The following LGMN variants were observed in gnomAD, a reference collection of about 807,000 sequenced individuals.
The protein encoded by LGMN is legumain, also known as asparaginyl endopeptidase.
LGMN carries 36 observed loss-of-function variants against 56.8 expected under a neutral mutation model. That is an observed-to-expected ratio of 0.63 (90% CI 0.49 to 0.84). The LOEUF (loss-of-function observed/expected upper bound fraction) is 0.84. Among genes scored for constraint, LGMN ranks in the 40% least tolerant of loss-of-function variants. LGMN has a pLI of 0.00. For missense variants in LGMN, 446 were observed against 556.1 expected, an observed-to-expected ratio of 0.80 and a Z score of 1.99; for synonymous variants, 199 against 210.1, an observed-to-expected ratio of 0.95 and a Z score of 0.46.
intron 2 of LGMN, among the ~76,000 whole-genome samples, chr14:92,731,918 CTGGACTTTTCA>C (rs1163807378): frequency 2.0e-5 from 3 of 152,226 alleles, no homozygotes; most frequent in African/African-American, 7.2e-5. Flanking sequence ...CACAGGGAGG[CTGGACTTTTCA>C]TGGACACTCC....
At position 92,704,004 on chromosome 14, in the gene LGMN, G is replaced by C; in HGVS notation, c.*315C>G. The C allele has an allele frequency of 1.5e-6, 1 of 661,728 alleles. No homozygotes were observed. Among genetic ancestry groups the C allele is most frequent in the Non-Finnish European group, 2.7e-6 (1 of 370,694 alleles). The allele number at this position is 661,728 out of a possible 1,614,324, so 41.0% of individuals were successfully genotyped here. ...TCAGAATAAAGACTCCTTTTGAGAG[G>C]GGCTACAGAAGCCCCCATGAGCTTC... On this transcript the variant is annotated 3_prime_UTR_variant, in exon 14 of 14. Transcript: ENST00000334869.
chr14:92,722,508 C>T (rs1490163099), intron 2 of LGMN, among the ~76,000 whole-genome samples: 1 of 151,898 alleles, frequency 6.6e-6, no homozygotes, highest in African/African-American at 2.4e-5. Flanking sequence ...CACTTGAACC[C>T]GGGAGGCAGA....
At chr14:92,742,744 T>G (rs1891616755) in intron 1 of LGMN, among the ~76,000 whole-genome samples, 1 of 152,020 alleles carries the variant, frequency 6.6e-6, no homozygotes, top group African/African-American at 2.4e-5. Flanking sequence ...AGAAAAAAAT[T>G]TAAGAAGCAT....
chr14:92,706,485 T>C lies in LGMN; in HGVS notation c.1189A>G (p.Thr397Ala). 6.5e-7 allele frequency: 1 copy of C among 1,544,328 alleles called. No individual in the cohort carries two copies. Residue 397 changes from threonine (T) to alanine (A), a missense_variant and splice_region_variant, in exon 12 of 14, where the codon ACG becomes GCG. Thr to Ala is a moderately conservative substitution (Grantham distance 58). Coordinates refer to ENST00000334869, the MANE Select transcript of LGMN (RefSeq NM_005606.7). ...RTHCFNWHSP[T>A]YEYALRHLYV... ...ATGGGGAGAGCCTGCTGGCTCACCG[T>C]GGGGGAGTGCCAGTTGAAGCAGTGG...
intron 2 of LGMN, among the ~76,000 whole-genome samples, chr14:92,728,422 G>A (rs753007402): frequency 6.6e-6 from 1 of 152,160 alleles, no homozygotes; most frequent in Non-Finnish European, 1.5e-5. Flanking sequence ...CACCTGTACT[G>A]CACGTTACTG....
Position 92,732,659 on chromosome 14 carries a change from T to A in LGMN, c.128A>T (p.Tyr43Phe), listed in dbSNP as rs1024759192. The change falls in exon 2 of 14, where the codon TAT (tyrosine) becomes TTT (phenylalanine). Residue 43 changes from tyrosine (Y) to phenylalanine (F), a missense_variant. By Grantham distance (22) the Tyr-to-Phe change is conservative. Transcript: ENST00000334869. The stretch of plus-strand genomic sequence containing the variant: ...TAGTCATTTTCTTACCTGGTGCCTA[T>A]AATTATACCAGCCATTTGAACCTGC... ...IVAGSNGWYN[Y>F]RHQADACHAY... 6.2e-7 allele frequency: 1 copy of A among 1,613,920 alleles called. No individual in the cohort carries two copies. Among genetic ancestry groups the A allele is most frequent in the African/African-American group, 1.3e-5 (1 of 74,926 alleles).
At chr14:92,715,277 G>T (rs888976434) in intron 5 of LGMN, among the ~76,000 whole-genome samples, 22 of 151,466 alleles carry the variant, frequency 1.5e-4, no homozygotes, top group Non-Finnish European at 2.4e-4. Context: ...GGAGTACAGT[G>T]GCACAATCTT....
chr14:92,705,291 C>T (rs1595522264), intron 12 of LGMN, among the ~76,000 whole-genome samples: 1 of 152,098 alleles, frequency 6.6e-6, no homozygotes, highest in Admixed American at 6.6e-5. Context: ...CACCTGAGGC[C>T]AGAAGTTCAG....
At chr14:92,706,326 T>C (rs1415849618) in intron 12 of LGMN, 157 bp downstream of exon 12, 7 of 555,242 alleles carry the variant, frequency 1.3e-5, no homozygotes, top group Non-Finnish European at 2.1e-5. Flanking sequence ...GATTTAAAAT[T>C]AGTGAATTTG....
chr14:92,717,461 G>A lies in LGMN; in HGVS notation c.237C>T (p.Asp79=), dbSNP rs1051333273. 18 of 1,610,442 alleles carry A rather than the reference G, an allele frequency of 1.1e-5. No individual in the cohort carries two copies. The highest frequency in any genetic ancestry group is 1.7e-5 in the Admixed American group (1 of 60,014). ...TGATCACAATTCCTGGAGTGGGATTGCTGAAAATTAAAGGACACAATTTAA... is the reference window on the plus strand; with the variant it reads ...TGATCACAATTCCTGGAGTGGGATTACTGAAAATTAAAGGACACAATTTAA... The part of the protein sequence containing the change: ...MMYDDIAYSE[D]NPTPGIVINR... Residue 79 remains aspartate, a splice_region_variant and synonymous_variant, in exon 4 of 14, where the codon GAC becomes GAT. Transcript: ENST00000334869.
At chr14:92,708,856 CAAAAAAA>C (rs58813848) in intron 11 of LGMN, among the ~76,000 whole-genome samples, 19 of 71,640 alleles carry the variant, frequency 2.7e-4, no homozygotes, top group East Asian at 3.2e-4. Context: ...ACTCTTGTCT[CAAAAAAA>C]AAAAAAAAAA....
chr14:92,727,104 G>A (rs1890779306), intron 2 of LGMN, among the ~76,000 whole-genome samples: 1 of 152,074 alleles, frequency 6.6e-6, no homozygotes, highest in Non-Finnish European at 1.5e-5. Flanking sequence ...TGTATTTGAG[G>A]ACAGTTCGTC....
chr14:92,709,132 C>T (rs557277936), intron 11 of LGMN, among the ~76,000 whole-genome samples: 68 of 151,702 alleles, frequency 4.5e-4, no homozygotes, highest in Admixed American at 7.9e-4. Context: ...TTAGGCATGA[C>T]TATGTTTTTC....
intron 1 of LGMN, among the ~76,000 whole-genome samples, chr14:92,744,078 C>T (rs775953007): frequency 1.3e-5 from 2 of 151,746 alleles, no homozygotes; most frequent in Non-Finnish European, 2.9e-5. Context: ...CGCTTGAACC[C>T]GGGAGGAAGA....
intron 2 of LGMN, among the ~76,000 whole-genome samples, chr14:92,719,330 C>CCAT (rs1566924705): frequency 1.9e-5 from 2 of 107,614 alleles, no homozygotes; most frequent in Non-Finnish European, 3.7e-5. Flanking sequence ...GCCGCCACCG[C>CCAT]CACCGCCATC....
rs112584780 is a variant in LGMN at position 92,736,235 on chromosome 14, C to T, written c.-29-3420G>A. On this transcript the variant is annotated intron_variant, in intron 1 of 13. Transcript: ENST00000334869. ...TGTGCCTGCTACAAGGCAAGATTAA[C>T]GGACAGAGGACCGTTAATCTTTGTA... Among the ~76,000 whole-genome samples the T allele has an allele frequency of 1.2e-3, 182 of 152,212 alleles. 1 individual carries two copies. The highest frequency in any genetic ancestry group is 1.9e-3 in the Non-Finnish European group (127 of 68,002).
chr14:92,711,569 C>T, intron 10 of LGMN, 90 bp downstream of exon 10: 1 of 1,177,570 alleles, frequency 8.5e-7, no homozygotes, highest in Non-Finnish European at 1.3e-6. Flanking sequence ...CACTCAGATC[C>T]CATGTCTCTT....
At chr14:92,719,248 ACCACCACCACCGC>A (rs1890276928) in intron 2 of LGMN, among the ~76,000 whole-genome samples, 5 of 22,518 alleles carry the variant, frequency 2.2e-4, no homozygotes, top group African/African-American at 9.1e-4. Context: ...CACCACCGCC[ACCACCACCACCGC>A]CACCGCCGCC....
chr14:92,716,814 G>A (rs1566921791), intron 4 of LGMN, among the ~76,000 whole-genome samples: 1 of 152,060 alleles, frequency 6.6e-6, no homozygotes, highest in Non-Finnish European at 1.5e-5. Context: ...TAAAAGATCC[G>A]ATATTTAAAA....
Sources: gnomAD v4.1 joint callset for allele counts (sites outside exome capture counted in the v4.1 genomes callset) on GRCh38, gnomAD v4.1.1 for gene constraint, MANE v1.5 for transcripts, NCBI Gene and HGNC (gene_info 2026-07-23, HGNC 2026-07-21) for gene names.